FGF13: variants seen among roughly 807,000 people sequenced by gnomAD.
FGF13 encodes the protein fibroblast growth factor 13, also known as fibroblast growth factor homologous factor 2.
A neutral mutation model predicts 19.5 loss-of-function variants in FGF13; 2 were observed. That is an observed-to-expected ratio of 0.10 (90% CI 0.04 to 0.32). FGF13 has a LOEUF of 0.32. Ranked by LOEUF, FGF13 falls within the 10% of genes least tolerant of loss-of-function variation. FGF13 has a pLI of 1.00. For synonymous variants in FGF13, 72 were observed against 76.9 expected (o/e 0.94, Z 0.33); for missense variants, 113 against 192.7 (o/e 0.59, Z 2.45).
At chrX:139,060,245 T>A (rs761342929) in intron 1 of FGF13, among the ~76,000 whole-genome samples, 1 of 111,387 alleles carries the variant, frequency 9.0e-6, no homozygotes, top group East Asian at 2.8e-4. Context: ...GTTTATGTTC[T>A]TCAATAAAAT....
chrX:139,182,305 T>G (rs1033024400), intron 1 of FGF13, among the ~76,000 whole-genome samples: 10 of 112,009 alleles, frequency 8.9e-5, no homozygotes, highest in African/African-American at 2.9e-4. Flanking sequence ...TCTTAGGTAG[T>G]ACCCTGGATT....
chrX:138,945,333 T>A (rs1387258297), intron 1 of FGF13, among the ~76,000 whole-genome samples: 4 of 111,585 alleles, frequency 3.6e-5, no homozygotes, highest in Non-Finnish European at 7.5e-5. Flanking sequence ...TGATTTATCT[T>A]AGGACTGCTC....
intron 3 of FGF13, among the ~76,000 whole-genome samples, chrX:138,785,433 C>A (rs1470877731): frequency 1.8e-5 from 2 of 111,484 alleles, no homozygotes; most frequent in African/African-American, 3.3e-5. Flanking sequence ...ACCCTAAATT[C>A]TTTTTCTCCC....
At chrX:138,770,555 C>T (rs1472961153) in intron 3 of FGF13, among the ~76,000 whole-genome samples, 1 of 111,286 alleles carries the variant, frequency 9.0e-6, no homozygotes, top group Admixed American at 9.6e-5. Context: ...GCTGAGATAG[C>T]TTTCTGTCCT....
At chrX:139,141,046 AT>A (rs1450002455) in intron 1 of FGF13, among the ~76,000 whole-genome samples, 1 of 74,330 alleles carries the variant, frequency 1.3e-5, no homozygotes, top group Non-Finnish European at 2.6e-5. Context: ...CACTAGATAG[AT>A]GATAGATAGA....
At chrX:139,009,777 A>T (rs1485779241) in intron 1 of FGF13, among the ~76,000 whole-genome samples, 1 of 111,928 alleles carries the variant, frequency 8.9e-6, no homozygotes, top group African/African-American at 3.2e-5. Context: ...AACAAATAGC[A>T]TGTTGAATAG....
intron 1 of FGF13, among the ~76,000 whole-genome samples, chrX:139,082,087 C>T (rs1286471206): frequency 9.0e-6 from 1 of 111,449 alleles, no homozygotes; most frequent in Non-Finnish European, 1.9e-5. Flanking sequence ...CCTCTGACCT[C>T]ATTCCCTACC....
At chrX:139,189,033 A>G (rs2084302875) in intron 1 of FGF13, among the ~76,000 whole-genome samples, 2 of 108,177 alleles carry the variant, frequency 1.8e-5, no homozygotes, top group Admixed American at 2.0e-4. Flanking sequence ...ATGAAGGATC[A>G]TAGAGGCTAT....
chrX:138,861,724 C>T (rs1323592634), intron 2 of FGF13, among the ~76,000 whole-genome samples: 5 of 112,166 alleles, frequency 4.5e-5, no homozygotes, highest in East Asian at 2.8e-4. Flanking sequence ...CAGCTTTTGT[C>T]GGGTGTGGTG....
At chrX:139,176,611 A>G (rs781154762) in intron 1 of FGF13, among the ~76,000 whole-genome samples, 30 of 109,565 alleles carry the variant, frequency 2.7e-4, no homozygotes, top group Non-Finnish European at 3.2e-4. Context: ...ATTCTGCTGC[A>G]TTGTGTCTTT....
intron 3 of FGF13, among the ~76,000 whole-genome samples, chrX:138,751,131 G>A (rs971536422): frequency 9.0e-6 from 1 of 111,257 alleles, no homozygotes; most frequent in Non-Finnish European, 1.9e-5. Context: ...TGACAACCTT[G>A]GTAGGACAAC....
intron 3 of FGF13, among the ~76,000 whole-genome samples, chrX:138,660,489 T>C (rs936636056): frequency 8.9e-6 from 1 of 112,035 alleles, no homozygotes; most frequent in Non-Finnish European, 1.9e-5. Context: ...TGTGGGTACA[T>C]AGCAGGTGTA....
intron 1 of FGF13, among the ~76,000 whole-genome samples, chrX:138,902,182 T>C (rs1482495405): frequency 8.9e-6 from 1 of 112,281 alleles, no homozygotes; most frequent in Non-Finnish European, 1.9e-5. Context: ...CAGAAATCTA[T>C]TTTCCGGTCT....
At chrX:139,064,179 G>T (rs1391193851) in intron 1 of FGF13, among the ~76,000 whole-genome samples, 1 of 103,584 alleles carries the variant, frequency 9.7e-6, no homozygotes, top group Non-Finnish European at 2.0e-5. Flanking sequence ...GTTAATATTT[G>T]TCTGGTGTTT....
intron 1 of FGF13, among the ~76,000 whole-genome samples, chrX:139,138,697 C>T (rs1361895802): frequency 9.0e-6 from 1 of 111,376 alleles, no homozygotes; most frequent in African/African-American, 3.3e-5. Flanking sequence ...CAATGGCAAG[C>T]TTCCCTACCA....
intron 1 of FGF13, among the ~76,000 whole-genome samples, chrX:138,872,664 G>A (rs749949388): frequency 1.8e-5 from 2 of 112,023 alleles, no homozygotes; most frequent in Non-Finnish European, 3.8e-5. Flanking sequence ...TCTTGATACT[G>A]TTTTTGATAT....
chrX:138,644,967 A>C (rs1378881828), intron 3 of FGF13, among the ~76,000 whole-genome samples: 3 of 111,982 alleles, frequency 2.7e-5, no homozygotes, highest in Non-Finnish European at 3.8e-5. Context: ...TGAAGAATGC[A>C]TTTCTACTCA....
intron 4 of FGF13, among the ~76,000 whole-genome samples, chrX:138,634,531 G>A (rs2089160576): frequency 8.9e-6 from 1 of 112,926 alleles, no homozygotes; most frequent in African/African-American, 3.2e-5. Flanking sequence ...AAAATCAGGA[G>A]AGCAAATGTT....
At position 139,202,526 on chromosome X, in the gene FGF13, C is replaced by T. The variant is rs751461630; in HGVS notation, c.-113+890G>A. Among the ~76,000 whole-genome samples, 396 of 111,775 alleles carry T rather than the reference C, an allele frequency of 3.5e-3. 2 individuals are homozygous for T. Among genetic ancestry groups the T allele is most frequent in the African/African-American group, 0.012 (371 of 30,748 alleles). The stretch of plus-strand genomic sequence containing the variant: ...TAGCCTTGAGCCAGACCGGGGGCAA[C>T]AATGACCCGTATGACAACGGATCTA... On this transcript the variant is annotated intron_variant, in intron 1 of 2. Coordinates refer to the FGF13 transcript ENST00000421460.
Sources: allele counts gnomAD v4.1 joint callset (sites outside exome capture counted in the v4.1 genomes callset), GRCh38; gene constraint gnomAD v4.1.1; transcripts MANE v1.5; gene names NCBI Gene and HGNC (gene_info 2026-07-23, HGNC 2026-07-21).